Variants in GGA2 observed in about 807,000 individuals in gnomAD.
GGA2 encodes the protein golgi associated, gamma adaptin ear containing, ARF binding protein 2.
In GGA2, 48 loss-of-function variants were observed where a neutral mutation model predicts 79.5. The ratio of observed to expected loss-of-function variants is 0.60; its 90% CI spans 0.48 to 0.77. GGA2 has a LOEUF of 0.77. Ranked by LOEUF, GGA2 falls within the 30% of genes least tolerant of loss-of-function variation. The pLI is 0.00. For synonymous variants in GGA2, 317 were observed against 302.0 expected (o/e 1.05, Z -0.51); for missense variants, 770 against 774.0 (o/e 0.99, Z 0.06).
At chr16:23,469,508 T>G (rs1300296244) in intron 15 of GGA2, 2 of 159,376 alleles carry the variant, frequency 1.3e-5, no homozygotes, top group African/African-American at 4.8e-5. Flanking sequence ...GGGCCCCACT[T>G]CCCTTGAAAA....
In GGA2 at chr16:23,466,939, C is replaced by T. The variant is rs1379945461; in HGVS notation, c.*651G>A. The T allele has an allele frequency of 6.5e-6, 1 of 153,088 alleles. No homozygotes were observed. The highest frequency in any genetic ancestry group is 2.4e-5 in the African/African-American group (1 of 41,460). The allele number at this position is 153,088 out of a possible 1,614,324, so 9.5% of individuals were successfully genotyped here. A position where few individuals can be genotyped will look rare whatever the true frequency, so the allele number is the denominator to read the frequency against. On this transcript the variant is annotated 3_prime_UTR_variant, in exon 17 of 17. Transcript: ENST00000309859. ...GATTCTAAGGCACAGTGGTGAAGGACATGATTGGTCCCCCAAGTGTGGTCC... is the reference window on the plus strand; with the variant it reads ...GATTCTAAGGCACAGTGGTGAAGGATATGATTGGTCCCCCAAGTGTGGTCC...
chr16:23,469,924 G>A (rs78289271), intron 15 of GGA2, 72 bp downstream of exon 15: 33 of 1,132,004 alleles, frequency 2.9e-5, no homozygotes, highest in Non-Finnish European at 3.9e-5. Context: ...CACTCGACAG[G>A]TAAGTCCCAG....
At chr16:23,504,825 T>C (rs1206267934) in intron 1 of GGA2, among the ~76,000 whole-genome samples, 1 of 152,224 alleles carries the variant, frequency 6.6e-6, no homozygotes, top group Admixed American at 6.5e-5. Flanking sequence ...ACTGCTGCCA[T>C]GTATTTCCTC....
chr16:23,486,160 G>GA lies in GGA2; in HGVS notation c.661-9dup, dbSNP rs1280856720. The GA allele has an allele frequency of 6.2e-7, 1 of 1,612,888 alleles. No individual in the cohort carries two copies. The highest frequency in any genetic ancestry group is 8.5e-7 in the Non-Finnish European group (1 of 1,179,346). ...CTCCGATTTTTCTTGTTCCTTTTGG[G>GA]AAAAAGAGGAGGATGGGAGTGAGGG... On this transcript the variant is annotated splice_polypyrimidine_tract_variant and intron_variant, in intron 7 of 16. Transcript: ENST00000309859.
intron 4 of GGA2, among the ~76,000 whole-genome samples, chr16:23,493,034 T>A (rs11641480): frequency 0.055 from 8,301 of 151,746 alleles, 321 homozygotes; most frequent in Non-Finnish European, 0.083. Flanking sequence ...AGGCAGGAGG[T>A]GATAGGAAAC....
At chr16:23,496,372 C>A (rs982037988) in intron 1 of GGA2, among the ~76,000 whole-genome samples, 1 of 150,448 alleles carries the variant, frequency 6.6e-6, no homozygotes. Flanking sequence ...ACTTTTAGTG[C>A]AGAGGTTGGC....
chr16:23,494,987 A>G (rs1964836451), intron 2 of GGA2, among the ~76,000 whole-genome samples: 1 of 151,910 alleles, frequency 6.6e-6, no homozygotes, highest in South Asian at 2.1e-4. Context: ...TGGGAGGCTG[A>G]GGCAGGAGAA....
chr16:23,504,303 G>C (rs1964951517), intron 1 of GGA2, among the ~76,000 whole-genome samples: 1 of 152,184 alleles, frequency 6.6e-6, no homozygotes, highest in African/African-American at 2.4e-5. Flanking sequence ...TCAGTTCCTT[G>C]ACAAAGTTAG....
At chr16:23,513,850 G>A (rs1965088521), upstream of GGA2, among the ~76,000 whole-genome samples, 1 of 151,444 alleles carries the variant, frequency 6.6e-6, no homozygotes, top group Non-Finnish European at 1.5e-5. Context: ...AATTATCTGA[G>A]CTACTTTGTC....
chr16:23,480,013 A>T, intron 10 of GGA2, 126 bp from the exon 11 acceptor site: 1 of 826,712 alleles, frequency 1.2e-6, no homozygotes, highest in South Asian at 1.7e-5. Context: ...CCCTTCCAAG[A>T]ACCTTCCACT....
At chr16:23,481,580 C>T (rs539820252) in intron 9 of GGA2, among the ~76,000 whole-genome samples, 2 of 152,166 alleles carry the variant, frequency 1.3e-5, no homozygotes, top group Non-Finnish European at 2.9e-5. Context: ...TGAGACCAGC[C>T]TGGCCAACAT....
At chr16:23,481,027 G>A (rs1475653039) in intron 9 of GGA2, among the ~76,000 whole-genome samples, 1 of 152,206 alleles carries the variant, frequency 6.6e-6, no homozygotes, top group African/African-American at 2.4e-5. Flanking sequence ...GTAATGGCCA[G>A]CAGTAAGCAC....
intron 11 of GGA2, chr16:23,479,173 C>A: frequency 3.6e-6 from 2 of 549,802 alleles, no homozygotes; most frequent in South Asian, 2.0e-5. Context: ...TCACAACCAC[C>A]CTGATTGCCT....
At chr16:23,470,797 G>A (rs1439604511) in intron 14 of GGA2, among the ~76,000 whole-genome samples, 3 of 146,292 alleles carry the variant, frequency 2.1e-5, no homozygotes, top group Non-Finnish European at 4.5e-5. Context: ...CACAAAAACA[G>A]GATTATCATT....
At chr16:23,507,913 T>C (rs1426687825) in intron 1 of GGA2, among the ~76,000 whole-genome samples, 2 of 152,030 alleles carry the variant, frequency 1.3e-5, no homozygotes, top group African/African-American at 4.8e-5. Context: ...TGAGCTGAGA[T>C]CATGCCGCTG....
At chr16:23,495,858 G>A in intron 1 of GGA2, 80 bp from the exon 2 acceptor site, 1 of 845,992 alleles carries the variant, frequency 1.2e-6, no homozygotes, top group Non-Finnish European at 1.9e-6. Context: ...GTGGCCAAGA[G>A]CTGTCTTATC....
At chr16:23,473,724 TAA>T (rs1276166336) in intron 14 of GGA2, among the ~76,000 whole-genome samples, 1 of 152,220 alleles carries the variant, frequency 6.6e-6, no homozygotes, top group African/African-American at 2.4e-5. Context: ...TTCAGACTTA[TAA>T]AAAGTTATAA....
chr16:23,519,734 C>A (rs1965124658), intron 1 of GGA2: 1 of 262,662 alleles, frequency 3.8e-6, no homozygotes, highest in Non-Finnish European at 7.9e-6. Context: ...TTGGTCCCAA[C>A]AGGTTTCTAG....
In GGA2 at chr16:23,467,298, T is replaced by A. The variant is rs2142109860; in HGVS notation, c.*292A>T. On this transcript the variant is annotated 3_prime_UTR_variant, in exon 17 of 17. Transcript: ENST00000309859. ...TGTCGCTCGCTGACATGCAGAAACA[T>A]GACTGTAGCAGAGATGATGATGATG... The A allele has an allele frequency of 3.1e-6, 1 of 322,730 alleles. No homozygotes were observed. The highest frequency in any genetic ancestry group is 5.6e-5 in the South Asian group (1 of 17,732). 20.0% of individuals were successfully genotyped at this position (322,730 alleles called of 1,614,324 possible).
Sources: gnomAD v4.1 joint callset for allele counts (sites outside exome capture counted in the v4.1 genomes callset) on GRCh38, gnomAD v4.1.1 for gene constraint, MANE v1.5 for transcripts, NCBI Gene and HGNC (gene_info 2026-07-23, HGNC 2026-07-21) for gene names.